Variants in NAV1 observed in about 807,000 individuals in gnomAD.
NAV1 encodes neuron navigator 1.
Under a neutral mutation model 175.2 loss-of-function variants are expected in NAV1, and 18 were observed. The observed-to-expected ratio is 0.10, with a 90% CI of 0.07 to 0.15. The LOEUF is 0.15. NAV1 is among the 10% of genes least tolerant of loss of function. The pLI, the probability that NAV1 is intolerant of heterozygous loss-of-function variation, is 1.00. For missense variants in NAV1, 1,731 were observed against 2,436.6 expected, an observed-to-expected ratio of 0.71 and a Z score of 6.10; for synonymous variants, 897 against 978.7, an observed-to-expected ratio of 0.92 and a Z score of 1.56.
chr1:201,680,610 G>C (rs1033718969), intron 1 of NAV1, among the ~76,000 whole-genome samples: 1 of 152,180 alleles, frequency 6.6e-6, no homozygotes, highest in East Asian at 1.9e-4. Flanking sequence ...ACAGCACTAA[G>C]CCATTCATGA....
At chr1:201,701,408 A>G (rs916843106) in intron 1 of NAV1, among the ~76,000 whole-genome samples, 2 of 91,402 alleles carry the variant, frequency 2.2e-5, no homozygotes, top group African/African-American at 6.7e-5. Flanking sequence ...AACTTAAAGT[A>G]TAATAAAAAA....
At chr1:201,775,178 A>G (rs1675856942) in intron 3 of NAV1, among the ~76,000 whole-genome samples, 1 of 152,214 alleles carries the variant, frequency 6.6e-6, no homozygotes, top group Non-Finnish European at 1.5e-5. Flanking sequence ...AGAAGACTGG[A>G]GACATTTTCT....
intron 2 of NAV1, among the ~76,000 whole-genome samples, chr1:201,715,601 A>T (rs1672107100): frequency 6.6e-6 from 1 of 152,148 alleles, no homozygotes; most frequent in Admixed American, 6.5e-5. Context: ...CTGGCTGATG[A>T]GGGTAGGTTC....
intron 1 of NAV1, among the ~76,000 whole-genome samples, chr1:201,699,496 C>G (rs1305394244): frequency 1.3e-5 from 2 of 151,950 alleles, no homozygotes; most frequent in Non-Finnish European, 2.9e-5. Flanking sequence ...AATCAATATC[C>G]TGAAAATGGC....
intron 3 of NAV1, among the ~76,000 whole-genome samples, chr1:201,737,848 T>C (rs973793428): frequency 6.6e-6 from 1 of 152,202 alleles, no homozygotes; most frequent in Non-Finnish European, 1.5e-5. Context: ...GTCATTTTAC[T>C]CAGGATTCCA....
intron 1 of NAV1, among the ~76,000 whole-genome samples, chr1:201,551,573 T>C (rs1487101646): frequency 1.3e-5 from 2 of 152,204 alleles, no homozygotes; most frequent in Non-Finnish European, 2.9e-5. Context: ...ACAGACATCA[T>C]GTCTGTTATA....
At chr1:201,570,698 C>G (rs996879882) in intron 1 of NAV1, among the ~76,000 whole-genome samples, 2 of 152,350 alleles carry the variant, frequency 1.3e-5, no homozygotes, top group Non-Finnish European at 1.5e-5. Context: ...GGAAGCCCAG[C>G]AGGCAGTCTC....
chr1:201,643,361 CTTCT>C (rs763594947), upstream of NAV1, among the ~76,000 whole-genome samples: 65 of 141,368 alleles, frequency 4.6e-4, no homozygotes, highest in African/African-American at 1.2e-3. Flanking sequence ...TCTTCCCTCT[CTTCT>C]TTCTTTCTTT....
intron 3 of NAV1, among the ~76,000 whole-genome samples, chr1:201,776,709 A>G (rs1675972789): frequency 6.6e-6 from 1 of 151,984 alleles, no homozygotes; most frequent in African/African-American, 2.4e-5. Flanking sequence ...GTAGAAAATC[A>G]GCCAAAAAAT....
intron 3 of NAV1, among the ~76,000 whole-genome samples, chr1:201,773,089 A>AT (rs1487886486): frequency 6.6e-6 from 1 of 152,138 alleles, no homozygotes; most frequent in Admixed American, 6.5e-5. Context: ...TTGAAGTTGA[A>AT]TTTAACCCTA....
At chr1:201,650,627 C>T (rs1332216549) in intron 1 of NAV1, among the ~76,000 whole-genome samples, 1 of 152,192 alleles carries the variant, frequency 6.6e-6, no homozygotes, top group African/African-American at 2.4e-5. Flanking sequence ...GCCGGGCGGC[C>T]CTGGAGAATG....
chr1:201,560,427 G>T (rs574656710), intron 1 of NAV1, among the ~76,000 whole-genome samples: 2 of 152,290 alleles, frequency 1.3e-5, no homozygotes, highest in African/African-American at 4.8e-5. Context: ...TGCCAGGCCA[G>T]AACAACTTGC....
intron 1 of NAV1, among the ~76,000 whole-genome samples, chr1:201,671,860 G>A (rs1571875736): frequency 6.6e-6 from 1 of 152,170 alleles, no homozygotes; most frequent in South Asian, 2.1e-4. Context: ...AGGCTGTCTC[G>A]AGGTTAAACC....
chr1:201,554,083 C>T (rs1665943987), intron 1 of NAV1, among the ~76,000 whole-genome samples: 1 of 152,234 alleles, frequency 6.6e-6, no homozygotes, highest in African/African-American at 2.4e-5. Flanking sequence ...CTTTTCTTCC[C>T]TCCATGGACT....
intron 1 of NAV1, among the ~76,000 whole-genome samples, chr1:201,624,091 G>A (rs1290128506): frequency 6.6e-6 from 1 of 152,096 alleles, no homozygotes; most frequent in Non-Finnish European, 1.5e-5. Flanking sequence ...CTCATACCTT[G>A]TACCTGTCTG....
At chr1:201,568,898 G>C (rs1426569481) in intron 1 of NAV1, among the ~76,000 whole-genome samples, 1 of 152,092 alleles carries the variant, frequency 6.6e-6, no homozygotes, top group East Asian at 1.9e-4. Context: ...GGGTCCTCTA[G>C]GTCAGTGGGC....
chr1:201,780,596 A>G (rs1157150116), intron 4 of NAV1, 37 bp downstream of exon 8: 1 of 1,613,772 alleles, frequency 6.2e-7, no homozygotes, highest in Middle Eastern at 1.6e-4. Context: ...TGCCATCTCA[A>G]GATGAACCAC....
At chr1:201,554,337 G>A (rs1312780879) in intron 1 of NAV1, among the ~76,000 whole-genome samples, 2 of 152,162 alleles carry the variant, frequency 1.3e-5, no homozygotes, top group South Asian at 2.1e-4. Flanking sequence ...CCAGCAGGAC[G>A]GCCCTAATGG....
chr1:201,542,570 C>T (rs1185949849), intron 1 of NAV1, among the ~76,000 whole-genome samples: 2 of 152,108 alleles, frequency 1.3e-5, no homozygotes, highest in Non-Finnish European at 2.9e-5. Context: ...TGATTTCCTC[C>T]GAGAGGCCTG....
Sources: allele counts gnomAD v4.1 joint callset (sites outside exome capture counted in the v4.1 genomes callset), GRCh38; gene constraint gnomAD v4.1.1; transcripts MANE v1.5; gene names NCBI Gene and HGNC (gene_info 2026-07-23, HGNC 2026-07-21).